PIK3CB: variants seen among roughly 807,000 people sequenced by gnomAD.
PIK3CB encodes the protein phosphatidylinositol-4,5-bisphosphate 3-kinase catalytic subunit beta.
Under a neutral mutation model 136.8 loss-of-function variants are expected in PIK3CB, and 39 were observed. That is an observed-to-expected ratio of 0.29 (90% CI 0.22 to 0.37). The LOEUF (loss-of-function observed/expected upper bound fraction) is 0.37, where lower values mean the gene tolerates loss of function less well. Among genes scored for constraint, PIK3CB ranks in the 10% least tolerant of loss-of-function variants. PIK3CB has a pLI of 1.00. For missense variants in PIK3CB, 868 were observed against 1,275.4 expected (o/e 0.68, Z 4.87); for synonymous variants, 428 against 436.6 (o/e 0.98, Z 0.25).
intron 2 of PIK3CB, among the ~76,000 whole-genome samples, chr3:138,780,295 G>A (rs1464134850): frequency 2.0e-5 from 3 of 149,982 alleles, no homozygotes; most frequent in South Asian, 2.1e-4. Flanking sequence ...TTTTTGAGAC[G>A]GCGTCTTGCT....
Position 138,737,762 on chromosome 3 carries a change from T to G in PIK3CB, c.746A>C (p.Gln249Pro). 2 of 1,612,036 alleles carry G rather than the reference T, an allele frequency of 1.2e-6. No individual in the cohort carries two copies. Among genetic ancestry groups the G allele is most frequent in the Non-Finnish European group, 8.5e-7 (1 of 1,178,944 alleles). Residue 249 changes from glutamine (Q) to proline (P), a missense_variant, in exon 6 of 24, where the codon CAA becomes CCA. By Grantham distance (76) the Gln-to-Pro change is moderately conservative (BLOSUM62 -1). Coordinates refer to ENST00000674063, the MANE Select transcript of PIK3CB (RefSeq NM_006219.3). ...DEVSPYDYVL[Q>P]VSGRVEYVFG... ...AACATATTCTACTCTCCCGCTGACT[T>G]GCAACACATAATCATAGGGGCTAAC... is the stretch of plus-strand genomic sequence containing the variant.
intron 11 of PIK3CB, 117 bp downstream of exon 11, chr3:138,707,039 TCAA>T (rs2044392818): frequency 1.4e-6 from 1 of 736,684 alleles, no homozygotes; most frequent in African/African-American, 1.8e-5. Context: ...GTCTTCCCAC[TCAA>T]CAAAGCTGTC....
intron 1 of PIK3CB, among the ~76,000 whole-genome samples, chr3:138,833,640 TCA>T (rs1405438427): frequency 1.3e-5 from 2 of 152,160 alleles, no homozygotes; most frequent in African/African-American, 4.8e-5. Context: ...CACCAGACAG[TCA>T]CACTGCCCAC....
In PIK3CB at chr3:138,714,494, G is replaced by C; in HGVS notation, c.1276C>G (p.Gln426Glu). Reference sequence around the variant, plus strand: ...ACTTTTCCAGCTTTCCTGATGGTCTGATATTTAGAGGGATTAATAGTTTTC... The same window carrying C: ...ACTTTTCCAGCTTTCCTGATGGTCTCATATTTAGAGGGATTAATAGTTTTC... Reference protein sequence around the residue: ...STKTINPSKYQTIRKAGKVHY... With the variant: ...STKTINPSKYETIRKAGKVHY... The change falls in exon 9 of 24, where the codon CAG (glutamine) becomes GAG (glutamate). Residue 426 changes from glutamine to glutamate, a missense_variant. By Grantham distance (29) the Gln-to-Glu change is conservative (BLOSUM62 2). Around this residue, in one of 4 missense-constraint regions of PIK3CB, gnomAD observed 612 missense variants for 801.1 expected, o/e 0.76. Transcript: ENST00000674063. 1 of 1,609,872 alleles carries C rather than the reference G, an allele frequency of 6.2e-7. No homozygotes were observed. The highest frequency in any genetic ancestry group is 8.5e-7 in the Non-Finnish European group (1 of 1,176,736).
intron 1 of PIK3CB, chr3:138,826,168 C>T (rs1195410881): frequency 1.0e-5 from 11 of 1,097,534 alleles, no homozygotes; most frequent in East Asian, 2.5e-5. Flanking sequence ...CCTGACAAGC[C>T]GATGTATGTT....
At position 138,734,798 on chromosome 3, in the gene PIK3CB, G is replaced by A. The variant is rs148366420; in HGVS notation, c.808C>T (p.Arg270Trp). Residue 270 changes from arginine (R) to tryptophan (W), a missense_variant, in exon 7 of 24, where the codon CGG (arginine) becomes TGG (tryptophan). By Grantham distance (101) the Arg-to-Trp change is moderately radical. Transcript: ENST00000674063. The part of the protein sequence containing the change: ...DHPLIQFQYI[R>W]NCVMNRALPH... ...AGGGCTCTGTTCATCACACAGTTCC[G>A]GATATACTATAGGGGCAAGAAAGGG... is the stretch of plus-strand genomic sequence containing the variant. The A allele has an allele frequency of 1.7e-5, 27 of 1,604,552 alleles. No individual in the cohort carries two copies. Among genetic ancestry groups the A allele is most frequent in the Middle Eastern group, 1.7e-4 (1 of 6,020 alleles).
intron 2 of PIK3CB, among the ~76,000 whole-genome samples, chr3:138,768,082 G>T (rs1254432779): frequency 6.6e-6 from 1 of 152,200 alleles, no homozygotes; most frequent in East Asian, 1.9e-4. Context: ...GGAGGACCTG[G>T]AGTGGGTAGC....
At chr3:138,710,628 T>A (rs1404773263) in intron 10 of PIK3CB, among the ~76,000 whole-genome samples, 3 of 152,160 alleles carry the variant, frequency 2.0e-5, no homozygotes, top group Non-Finnish European at 4.4e-5. Context: ...TTGAAACAGC[T>A]ATGTAAGACT....
chr3:138,799,772 G>A (rs529386505), intron 1 of PIK3CB, among the ~76,000 whole-genome samples: 72 of 152,008 alleles, frequency 4.7e-4, no homozygotes, highest in Non-Finnish European at 1.0e-4. Context: ...CAACCTCCTA[G>A]GCTCTAGGGA....
intron 2 of PIK3CB, 141 bp from the exon 3 acceptor site, chr3:138,759,500 G>T: frequency 1.9e-6 from 1 of 524,236 alleles, no homozygotes; most frequent in Non-Finnish European, 3.4e-6. Flanking sequence ...TAAATAATGT[G>T]ATATTTTAAA....
At chr3:138,828,795 A>ATT (rs367885920) in intron 1 of PIK3CB, among the ~76,000 whole-genome samples, 10 of 150,916 alleles carry the variant, frequency 6.6e-5, no homozygotes, top group African/African-American at 2.4e-4. Flanking sequence ...TTTATTTTTT[A>ATT]TTTTTTTTCT....
At chr3:138,760,033 T>C (rs1271604877) in intron 2 of PIK3CB, among the ~76,000 whole-genome samples, 5 of 152,122 alleles carry the variant, frequency 3.3e-5, no homozygotes, top group African/African-American at 1.2e-4. Flanking sequence ...GCCATTCTCC[T>C]GCCTCAGCCT....
chr3:138,830,078 C>T (rs74568045), intron 1 of PIK3CB, among the ~76,000 whole-genome samples: 71 of 152,090 alleles, frequency 4.7e-4, no homozygotes, highest in African/African-American at 1.7e-3. Flanking sequence ...AGGGACAGGC[C>T]GGAAGCCCTG....
At chr3:138,696,999 T>G (rs1417880837) in intron 13 of PIK3CB, among the ~76,000 whole-genome samples, 4 of 152,230 alleles carry the variant, frequency 2.6e-5, no homozygotes, top group African/African-American at 9.6e-5. Flanking sequence ...AAGTAATGAC[T>G]TTGGTAAGAT....
At chr3:138,815,544 A>G (rs1450657221) in intron 1 of PIK3CB, among the ~76,000 whole-genome samples, 1 of 151,974 alleles carries the variant, frequency 6.6e-6, no homozygotes, top group East Asian at 1.9e-4. Flanking sequence ...GCAGTCCTGA[A>G]AAAAGAATAA....
At chr3:138,661,945 A>C (rs1264416951) in intron 21 of PIK3CB, among the ~76,000 whole-genome samples, 2 of 152,168 alleles carry the variant, frequency 1.3e-5, no homozygotes, top group African/African-American at 4.8e-5. Flanking sequence ...TCATTTGAAA[A>C]CTTAAGTACT....
chr3:138,683,706 T>C lies in PIK3CB; in HGVS notation c.2397A>G (p.Ser799=). The C allele has an allele frequency of 6.3e-7, 1 of 1,586,298 alleles. No individual in the cohort carries two copies. The highest frequency in any genetic ancestry group is 8.7e-7 in the Non-Finnish European group (1 of 1,155,096). ...CACCATTTTTAAAAATCACTCCAACTGAATCCTCACCAAATACCTTGTTAT... is the reference window on the plus strand; with the variant it reads ...CACCATTTTTAAAAATCACTCCAACCGAATCCTCACCAAATACCTTGTTAT... The part of the protein sequence containing the change: ...VYNNKVFGED[S]VGVIFKNGDD... Residue 799 remains serine, a synonymous_variant, in exon 18 of 24, where the codon TCA becomes TCG. Coordinates refer to ENST00000674063, the MANE Select transcript of PIK3CB (RefSeq NM_006219.3).
At chr3:138,696,552 C>CT (rs1003695557) in intron 13 of PIK3CB, among the ~76,000 whole-genome samples, 6 of 152,028 alleles carry the variant, frequency 3.9e-5, no homozygotes, top group African/African-American at 9.7e-5. Flanking sequence ...AAGGCTAGCT[C>CT]TTTTTTTATG....
At chr3:138,809,404 A>G (rs1205783795) in intron 1 of PIK3CB, among the ~76,000 whole-genome samples, 5 of 151,798 alleles carry the variant, frequency 3.3e-5, no homozygotes, top group African/African-American at 1.2e-4. Flanking sequence ...TCAGGAGTTC[A>G]AGACCAGCCT....
Sources: gnomAD v4.1 joint callset for allele counts (sites outside exome capture counted in the v4.1 genomes callset) on GRCh38, gnomAD v4.1.1 for gene constraint, gnomAD v4.1.1 regional missense constraint, MANE v1.5 for transcripts, NCBI Gene and HGNC (gene_info 2026-07-23, HGNC 2026-07-21) for gene names.